The following ICA1L variants were observed in gnomAD, a reference collection of about 807,000 sequenced individuals.
ICA1L encodes the protein islet cell autoantigen 1 like.
Under a neutral mutation model 61.3 loss-of-function variants are expected in ICA1L, and 50 were observed. The observed-to-expected ratio is 0.82, with a 90% CI of 0.65 to 1.03. The LOEUF is 1.03. ICA1L is among the 50% of genes least tolerant of loss of function. The pLI, the probability that ICA1L is intolerant of heterozygous loss-of-function variation, is 0.00. For missense variants in ICA1L, 508 were observed against 556.7 expected (o/e 0.91, Z 0.88); for synonymous variants, 161 against 191.3 (o/e 0.84, Z 1.31).
At chr2:202,842,716 AT>A (rs1694365749) in intron 1 of ICA1L, among the ~76,000 whole-genome samples, 1 of 152,126 alleles carries the variant, frequency 6.6e-6, no homozygotes, top group Admixed American at 6.6e-5. Flanking sequence ...TTTTTCTGCT[AT>A]TATTTATTTA....
chr2:202,794,267 A>T (rs570849313), intron 10 of ICA1L, among the ~76,000 whole-genome samples: 4 of 147,312 alleles, frequency 2.7e-5, no homozygotes, highest in African/African-American at 7.5e-5. Flanking sequence ...AATCGCTTGA[A>T]CCCAGGAGGC....
chr2:202,838,481 G>T (rs541016724), intron 1 of ICA1L, among the ~76,000 whole-genome samples: 1 of 152,188 alleles, frequency 6.6e-6, no homozygotes, highest in African/African-American at 2.4e-5. Flanking sequence ...TTTCCTTACT[G>T]AATTTCTTTC....
At position 202,775,020 on chromosome 2, in the gene ICA1L, C is replaced by G. The variant is rs894396255; in HGVS notation, c.*4513G>C. 2.0e-5 allele frequency: 3 copies of G among 152,168 alleles called. No homozygotes were observed. The highest frequency in any genetic ancestry group is 7.2e-5 in the African/African-American group (3 of 41,452). 9.4% of individuals were successfully genotyped at this position (152,168 alleles called of 1,614,324 possible). On this transcript the variant is annotated 3_prime_UTR_variant, in exon 13 of 13. Transcript: ENST00000358299. The stretch of plus-strand genomic sequence containing the variant: ...TGCCAAGGACAGTTTGTTTTGAACT[C>G]TTTAGTAGTCTTTTAAATGGTACAG...
At chr2:202,786,282 C>T (rs1181398785) in intron 11 of ICA1L, among the ~76,000 whole-genome samples, 2 of 151,312 alleles carry the variant, frequency 1.3e-5, no homozygotes, top group Non-Finnish European at 2.9e-5. Context: ...CGCGGTGGCT[C>T]ACGCCTGTAA....
At chr2:202,821,238 A>C in intron 4 of ICA1L, 120 bp downstream of exon 4, 1 of 854,212 alleles carries the variant, frequency 1.2e-6, no homozygotes, top group Non-Finnish European at 1.8e-6. Flanking sequence ...ACTGTGATAT[A>C]TTTCTCTTTA....
rs1272520395 is a variant in ICA1L at position 202,774,894 on chromosome 2, C to CACA, written c.*4636_*4638dup. ...AAAACATACACTGCAAAATCTCACC[C>CACA]ACAACACCAGTCAGAACTTCATCTC... On this transcript the variant is annotated 3_prime_UTR_variant, in exon 13 of 13. Transcript: ENST00000358299. The CACA allele has an allele frequency of 9.9e-5, 15 of 152,270 alleles. No individual in the cohort carries two copies. The highest frequency in any genetic ancestry group is 3.4e-4 in the African/African-American group (14 of 41,448). The allele number at this position is 152,270 out of a possible 1,614,324, so 9.4% of individuals were successfully genotyped here. A position where few individuals can be genotyped will look rare whatever the true frequency, so the allele number is the denominator to read the frequency against.
chr2:202,869,440 CTT>C (rs1484366543), intron 1 of ICA1L: 2 of 152,020 alleles, frequency 1.3e-5, no homozygotes, highest in Non-Finnish European at 2.9e-5. Flanking sequence ...TATGATGTAA[CTT>C]ATTTAAAATT....
intron 1 of ICA1L, among the ~76,000 whole-genome samples, chr2:202,865,572 A>G (rs1173970569): frequency 6.6e-6 from 1 of 152,194 alleles, no homozygotes; most frequent in Non-Finnish European, 1.5e-5. Context: ...AAAGAGGCAA[A>G]GATGACTGCT....
intron 10 of ICA1L, among the ~76,000 whole-genome samples, chr2:202,794,848 A>G (rs547598599): frequency 3.3e-5 from 5 of 152,248 alleles, no homozygotes; most frequent in African/African-American, 1.2e-4. Context: ...TAACAAATGG[A>G]AGGATGGCCC....
intron 1 of ICA1L, among the ~76,000 whole-genome samples, chr2:202,842,081 C>CT (rs1350038296): frequency 6.6e-6 from 1 of 152,104 alleles, no homozygotes; most frequent in Non-Finnish European, 1.5e-5. Flanking sequence ...TCTCGAACTC[C>CT]TGACCTCAGG....
intron 9 of ICA1L, among the ~76,000 whole-genome samples, chr2:202,810,071 TAAAG>T (rs2105841973): frequency 6.6e-6 from 1 of 152,094 alleles, no homozygotes; most frequent in East Asian, 1.9e-4. Context: ...AGGTCAACGA[TAAAG>T]AAAAGATCCT....
chr2:202,773,988 A>G lies in ICA1L; in HGVS notation c.*5545T>C. The stretch of plus-strand genomic sequence containing the variant: ...TGTGTTTTAAAAGGTATATGGTACT[A>G]AGAAGAGTTGGCTGTTTTATTTTTT... On this transcript the variant is annotated 3_prime_UTR_variant, in exon 13 of 13. Coordinates refer to ENST00000358299, the MANE Select transcript of ICA1L (RefSeq NM_001288622.3). 1 of 920,244 alleles carries G rather than the reference A, an allele frequency of 1.1e-6. No individual in the cohort carries two copies. Among genetic ancestry groups the G allele is most frequent in the Non-Finnish European group, 1.7e-6 (1 of 600,750 alleles). The allele number at this position is 920,244 out of a possible 1,614,324, so 57.0% of individuals were successfully genotyped here. A position where few individuals can be genotyped will look rare whatever the true frequency, so the allele number is the denominator to read the frequency against.
intron 1 of ICA1L, among the ~76,000 whole-genome samples, chr2:202,852,123 G>A (rs1694642419): frequency 6.6e-6 from 1 of 151,982 alleles, no homozygotes; most frequent in South Asian, 2.1e-4. Context: ...TTTCTTCTAG[G>A]GTTTTTATGG....
intron 1 of ICA1L, among the ~76,000 whole-genome samples, chr2:202,843,620 G>A (rs1243909067): frequency 1.3e-5 from 2 of 152,244 alleles, no homozygotes; most frequent in Admixed American, 6.5e-5. Context: ...TGAGTTCCCA[G>A]GTAGTAATGG....
chr2:202,785,457 C>T (rs999256878), intron 12 of ICA1L, among the ~76,000 whole-genome samples: 2 of 152,090 alleles, frequency 1.3e-5, no homozygotes, highest in East Asian at 3.9e-4. Flanking sequence ...CTTGCTCTGT[C>T]GCCCAGGCTG....
intron 1 of ICA1L, chr2:202,840,504 A>C (rs1204179537): frequency 3.8e-6 from 2 of 531,060 alleles, no homozygotes; most frequent in Non-Finnish European, 7.4e-6. Context: ...AGACCCTCAT[A>C]GGCCGAGCTC....
rs1693386507 is a variant in ICA1L at position 202,811,776 on chromosome 2, CAGACA to C, written c.875_879del (p.Leu292Ter). On this transcript the variant is annotated frameshift_variant, in exon 9 of 13. Coordinates refer to ENST00000358299, the MANE Select transcript of ICA1L (RefSeq NM_001288622.3). LOFTEE classifies it high-confidence loss of function. ...TCACTCTCAAAGCTTGCTTCCTCATCAGACAAAACTAGCCTGAAGTAAAAACAAAA... is the reference window on the plus strand; with the variant it reads ...TCACTCTCAAAGCTTGCTTCCTCATCAAACTAGCCTGAAGTAAAAACAAAA... The C allele has an allele frequency of 1.2e-6, 2 of 1,603,994 alleles. No homozygotes were observed. Among genetic ancestry groups the C allele is most frequent in the Non-Finnish European group, 1.7e-6 (2 of 1,173,044 alleles).
intron 2 of ICA1L, among the ~76,000 whole-genome samples, 169 bp from the exon 3 acceptor site, chr2:202,825,936 A>T (rs1307081446): frequency 2.0e-5 from 3 of 152,224 alleles, no homozygotes; most frequent in Non-Finnish European, 4.4e-5. Context: ...CTTCCGATGT[A>T]GAAAGCACAT....
intron 1 of ICA1L, among the ~76,000 whole-genome samples, chr2:202,852,523 T>A (rs545491890): frequency 4.6e-5 from 7 of 150,966 alleles, no homozygotes; most frequent in African/African-American, 1.7e-4. Context: ...ACAAAAAAAT[T>A]ACCGGGCGTG....
Sources: allele counts gnomAD v4.1 joint callset (sites outside exome capture counted in the v4.1 genomes callset), GRCh38; gene constraint gnomAD v4.1.1; transcripts MANE v1.5; gene names NCBI Gene and HGNC (gene_info 2026-07-23, HGNC 2026-07-21).